CNTN5: variants seen among roughly 807,000 people sequenced by gnomAD.
The protein encoded by CNTN5 is contactin 5, also known as contactin-5.
Under a neutral mutation model 129.1 loss-of-function variants are expected in CNTN5, and 77 were observed. That is an observed-to-expected ratio of 0.60 (90% CI 0.50 to 0.72). CNTN5 has a LOEUF of 0.72. Among genes scored for constraint, CNTN5 ranks in the 30% least tolerant of loss-of-function variants. The probability of loss-of-function intolerance (pLI) is 0.00; values close to 1 mark genes in which losing one functional copy is unlikely to be tolerated. For synonymous variants in CNTN5, 509 were observed against 465.6 expected, an observed-to-expected ratio of 1.09 and a Z score of -1.20; for missense variants, 1,478 against 1,328.8, an observed-to-expected ratio of 1.11 and a Z score of -1.75.
chr11:99,826,229 T>C (rs755719239), intron 4 of CNTN5, among the ~76,000 whole-genome samples: 14 of 152,166 alleles, frequency 9.2e-5, no homozygotes, highest in Non-Finnish European at 1.6e-4. Context: ...AAAGGAAGTA[T>C]TTTTATTATG....
In CNTN5 at chr11:99,242,728, A is replaced by G. The variant is rs114345005; in HGVS notation, c.-209-82618A>G. On this transcript the variant is annotated intron_variant, in intron 1 of 24. Coordinates refer to ENST00000524871, the MANE Select transcript of CNTN5 (RefSeq NM_014361.4). Reference sequence around the variant, plus strand: ...TTAGCTCCAGCTTCTAAGTGAGAATATGAAGTACTTTGTTTTCTGTCCCTG... The same window carrying G: ...TTAGCTCCAGCTTCTAAGTGAGAATGTGAAGTACTTTGTTTTCTGTCCCTG... Among the ~76,000 whole-genome samples the G allele has an allele frequency of 6.8e-3, 1,032 of 152,258 alleles. 11 individuals are homozygous for G. The highest frequency in any genetic ancestry group is 0.023 in the African/African-American group (966 of 41,562).
At chr11:100,288,830 T>G (rs1950872021) in intron 18 of CNTN5, among the ~76,000 whole-genome samples, 1 of 152,072 alleles carries the variant, frequency 6.6e-6, no homozygotes, top group Admixed American at 6.6e-5. Flanking sequence ...GCTGGTTTTT[T>G]GAAAGGATCA....
At position 99,819,574 on chromosome 11, in the gene CNTN5, C is replaced by G. The variant is rs1405823750; in HGVS notation, c.86C>G (p.Thr29Ser). 1 of 1,612,608 alleles carries G rather than the reference C, an allele frequency of 6.2e-7. No individual in the cohort carries two copies. Among genetic ancestry groups the G allele is most frequent in the African/African-American group, 1.3e-5 (1 of 74,954 alleles). ...TCAAAATCTCTTCCTGGTCTCTCCA[C>G]TTCATATGCTGCTTTGTTAAGAATT... ...EYSKSLPGLS[T>S]SYAALLRIKK... is the part of the protein sequence containing the mutation. Residue 29 changes from threonine (T) to serine (S), a missense_variant, in exon 4 of 25, where the codon ACT (threonine) becomes AGT (serine). Coordinates refer to ENST00000524871, the MANE Select transcript of CNTN5 (RefSeq NM_014361.4).
At chr11:99,556,007 C>T (rs557466797) in intron 2 of CNTN5, 138 bp from the exon 3 acceptor site, 5 of 401,292 alleles carry the variant, frequency 1.2e-5, no homozygotes, top group East Asian at 1.1e-4. Context: ...TTATTGCTGT[C>T]TAGTGCATAT....
At chr11:99,382,875 T>TTTTTTTTTTTA (rs1491151565) in intron 2 of CNTN5, among the ~76,000 whole-genome samples, 1 of 142,464 alleles carries the variant, frequency 7.0e-6, no homozygotes, top group African/African-American at 2.6e-5. Context: ...TTTTTTTTTT[T>TTTTTTTTTTTA]AGACAGAGTC....
chr11:99,826,457 G>C (rs1461452165), intron 4 of CNTN5, among the ~76,000 whole-genome samples: 2 of 152,086 alleles, frequency 1.3e-5, no homozygotes, highest in Non-Finnish European at 2.9e-5. Context: ...CACACAAAAG[G>C]CATCCAACCT....
chr11:99,824,959 G>A lies in CNTN5; in HGVS notation c.277+5194G>A, dbSNP rs186990999. Among the ~76,000 whole-genome samples the A allele has an allele frequency of 1.2e-3, 179 of 151,838 alleles. 2 individuals carry two copies. The highest frequency in any genetic ancestry group is 3.9e-3 in the African/African-American group (162 of 41,464). ...GATCTCATACAGTTTTTGTCTCCTC[G>A]AAAATAATAATATAGTAAGAATAGC... On this transcript the variant is annotated intron_variant, in intron 4 of 24. Coordinates refer to ENST00000524871, the MANE Select transcript of CNTN5 (RefSeq NM_014361.4).
At chr11:99,419,693 G>C (rs1042237619) in intron 2 of CNTN5, among the ~76,000 whole-genome samples, 5 of 152,170 alleles carry the variant, frequency 3.3e-5, no homozygotes, top group African/African-American at 7.2e-5. Flanking sequence ...AGTAGGGCTG[G>C]AGTGGGGGGA....
At chr11:99,446,710 T>C (rs988593567) in intron 2 of CNTN5, among the ~76,000 whole-genome samples, 1 of 152,218 alleles carries the variant, frequency 6.6e-6, no homozygotes, top group Non-Finnish European at 1.5e-5. Context: ...TTCTTTACAT[T>C]GATATTTCTG....
Position 99,850,897 on chromosome 11 carries a change from C to T in CNTN5, c.577+5635C>T, listed in dbSNP as rs182152104. The stretch of plus-strand genomic sequence containing the variant: ...TTTTGTTTGAGGCTTTTTATTGCAA[C>T]CCCTACAGCATCCCTACTTCAATTC... On this transcript the variant is annotated intron_variant, in intron 6 of 24. Transcript: ENST00000524871. 2.0e-5 allele frequency among the ~76,000 whole-genome samples: 3 copies of T among 152,180 alleles called. No individual in the cohort carries two copies. In the South Asian group the frequency reaches 6.2e-4, roughly 31 times the overall value.
At chr11:99,990,445 T>TACACACACACAC (rs1318603192) in intron 8 of CNTN5, among the ~76,000 whole-genome samples, 9 of 81,312 alleles carry the variant, frequency 1.1e-4, no homozygotes, top group African/African-American at 3.4e-4. Context: ...ATTTTTAGAA[T>TACACACACACAC]ATATATATAT....
At chr11:100,167,256 A>G (rs1435215079) in intron 13 of CNTN5, among the ~76,000 whole-genome samples, 1 of 151,198 alleles carries the variant, frequency 6.6e-6, no homozygotes, top group Non-Finnish European at 1.5e-5. Flanking sequence ...ATTAAGACAT[A>G]TACTGTGTGT....
chr11:100,331,620 A>T (rs1422463240), intron 21 of CNTN5, among the ~76,000 whole-genome samples: 1 of 152,152 alleles, frequency 6.6e-6, no homozygotes, highest in Non-Finnish European at 1.5e-5. Flanking sequence ...GAAAATCAAA[A>T]TTATGTCAAT....
intron 1 of CNTN5, among the ~76,000 whole-genome samples, chr11:99,226,508 T>C (rs1191125638): frequency 6.6e-6 from 1 of 152,310 alleles, no homozygotes; most frequent in Non-Finnish European, 1.5e-5. Context: ...TTGTACTGTC[T>C]TTCCCTTACA....
intron 20 of CNTN5, among the ~76,000 whole-genome samples, chr11:100,302,345 A>G (rs1951242491): frequency 6.6e-6 from 1 of 151,686 alleles, no homozygotes; most frequent in African/African-American, 2.4e-5. Context: ...TGTGTCTTTT[A>G]TCATTATACT....
intron 24 of CNTN5, among the ~76,000 whole-genome samples, chr11:100,355,884 A>G (rs539263747): frequency 6.6e-6 from 1 of 151,806 alleles, no homozygotes; most frequent in East Asian, 1.9e-4. Flanking sequence ...TCATGATTGG[A>G]TGTGTTTGTT....
chr11:99,443,937 C>T lies in CNTN5; in HGVS notation c.-70-112208C>T, dbSNP rs117192060. 3.1e-3 allele frequency among the ~76,000 whole-genome samples: 474 copies of T among 152,214 alleles called. 22 individuals are homozygous for T. In the East Asian group the frequency reaches 0.081, roughly 26 times the overall value. ...ATATAGGTGGGTGCCGTGGCTCACG[C>T]GTGTAATCCCAGCACTTTGGGAGGC... On this transcript the variant is annotated intron_variant, in intron 2 of 24. Coordinates refer to ENST00000524871, the MANE Select transcript of CNTN5 (RefSeq NM_014361.4).
At chr11:100,284,910 G>C (rs538351520) in intron 18 of CNTN5, among the ~76,000 whole-genome samples, 1 of 152,316 alleles carries the variant, frequency 6.6e-6, no homozygotes, top group South Asian at 2.1e-4. Context: ...AAAGGTTGGA[G>C]TTTCAACCTG....
intron 13 of CNTN5, among the ~76,000 whole-genome samples, chr11:100,182,071 T>C (rs1959198106): frequency 6.6e-6 from 1 of 152,090 alleles, no homozygotes; most frequent in South Asian, 2.1e-4. Context: ...GTCATTATGC[T>C]ATAGTATTCA....
Sources: allele counts gnomAD v4.1 joint callset (sites outside exome capture counted in the v4.1 genomes callset), GRCh38; gene constraint gnomAD v4.1.1; transcripts MANE v1.5; gene names NCBI Gene and HGNC (gene_info 2026-07-23, HGNC 2026-07-21).